TMTC1: variants seen among roughly 807,000 people sequenced by gnomAD.
TMTC1 encodes the protein transmembrane O-mannosyltransferase targeting cadherins 1.
TMTC1 carries 73 observed loss-of-function variants against 104.8 expected under a neutral mutation model. That is an observed-to-expected ratio of 0.70 (90% CI 0.58 to 0.85). TMTC1 has a LOEUF of 0.85. Ranked by LOEUF, TMTC1 falls within the 40% of genes least tolerant of loss-of-function variation. The probability of loss-of-function intolerance (pLI) is 0.00; values close to 1 mark genes in which losing one functional copy is unlikely to be tolerated. For missense variants in TMTC1, 1,035 were observed against 1,096.1 expected (o/e 0.94, Z 0.79); for synonymous variants, 434 against 428.7 (o/e 1.01, Z -0.15).
chr12:29,638,677 G>A (rs1167375119), intron 5 of TMTC1, among the ~76,000 whole-genome samples: 2 of 152,188 alleles, frequency 1.3e-5, no homozygotes, highest in African/African-American at 2.4e-5. Context: ...CCTAGATGCT[G>A]CCAGGGGGTT....
intron 5 of TMTC1, among the ~76,000 whole-genome samples, chr12:29,659,503 G>A (rs1176307287): frequency 1.3e-5 from 2 of 151,990 alleles, no homozygotes; most frequent in African/African-American, 4.8e-5. Flanking sequence ...CATCATCTTC[G>A]GCCATGAATG....
At chr12:29,516,258 G>A (rs1943982620) in intron 15 of TMTC1, 91 bp downstream of exon 15, 9 of 1,467,710 alleles carry the variant, frequency 6.1e-6, no homozygotes, top group Non-Finnish European at 7.3e-6. Flanking sequence ...AGATTTCCCA[G>A]GCTTATAAAC....
intron 5 of TMTC1, among the ~76,000 whole-genome samples, chr12:29,646,816 T>C (rs1490434943): frequency 6.6e-6 from 1 of 152,158 alleles, no homozygotes; most frequent in African/African-American, 2.4e-5. Context: ...TGCCCAGGGT[T>C]CTCAAAACAG....
At chr12:29,566,288 C>G (rs1034512030) in intron 9 of TMTC1, among the ~76,000 whole-genome samples, 1 of 152,046 alleles carries the variant, frequency 6.6e-6, no homozygotes, top group Non-Finnish European at 1.5e-5. Context: ...GCCTGCAGCC[C>G]AGTGTGTCTG....
intron 9 of TMTC1, among the ~76,000 whole-genome samples, chr12:29,567,047 C>T (rs1372572112): frequency 1.3e-5 from 2 of 152,284 alleles, no homozygotes; most frequent in African/African-American, 2.4e-5. Flanking sequence ...TGGTTGAAAG[C>T]GGGGTTTAAA....
chr12:29,523,833 T>G (rs1944258362), intron 11 of TMTC1, among the ~76,000 whole-genome samples: 1 of 152,096 alleles, frequency 6.6e-6, no homozygotes, highest in Admixed American at 6.6e-5. Context: ...TTTAAAAAAT[T>G]TTAATTTGAT....
chr12:29,606,871 T>C (rs1329138551), intron 6 of TMTC1, among the ~76,000 whole-genome samples: 1 of 152,122 alleles, frequency 6.6e-6, no homozygotes, highest in Non-Finnish European at 1.5e-5. Context: ...ACTTTCTTTT[T>C]TTTTTGAGAC....
At chr12:29,782,460 TTG>T (rs1491418304) in intron 1 of TMTC1, among the ~76,000 whole-genome samples, 1 of 84,038 alleles carries the variant, frequency 1.2e-5, no homozygotes, top group Non-Finnish European at 2.5e-5. Context: ...ATTACACCCG[TTG>T]CAAAAAGGCT....
intron 2 of TMTC1, among the ~76,000 whole-genome samples, chr12:29,762,719 T>C (rs1311591283): frequency 6.6e-6 from 1 of 152,230 alleles, no homozygotes; most frequent in Non-Finnish European, 1.5e-5. Context: ...TGTTCATTGA[T>C]TCATTAATCT....
chr12:29,689,514 C>T (rs1380911853), intron 5 of TMTC1, among the ~76,000 whole-genome samples: 2 of 152,122 alleles, frequency 1.3e-5, no homozygotes, highest in Admixed American at 6.5e-5. Context: ...GGGGTTTCAC[C>T]ATGTTGGCCA....
At chr12:29,695,245 A>G (rs1052809561) in intron 5 of TMTC1, among the ~76,000 whole-genome samples, 2 of 152,098 alleles carry the variant, frequency 1.3e-5, no homozygotes, top group Non-Finnish European at 2.9e-5. Flanking sequence ...TCATCTCAAG[A>G]TCCTTAATTA....
chr12:29,767,436 G>A (rs1362688998), intron 2 of TMTC1, among the ~76,000 whole-genome samples: 1 of 152,086 alleles, frequency 6.6e-6, no homozygotes, highest in African/African-American at 2.4e-5. Flanking sequence ...AATATAGCAG[G>A]GTGAGAAAAG....
chr12:29,695,154 T>C (rs1034666132), intron 5 of TMTC1, among the ~76,000 whole-genome samples: 3 of 152,094 alleles, frequency 2.0e-5, no homozygotes, highest in Admixed American at 1.3e-4. Flanking sequence ...CACATTGCCT[T>C]CTCCTCTGTC....
At chr12:29,784,661 G>A (rs974606426), upstream of TMTC1, 1 of 152,236 alleles carries the variant, frequency 6.6e-6, no homozygotes, top group Non-Finnish European at 1.5e-5. Context: ...TCGAGTTTTG[G>A]TTTGGGCCTG....
At chr12:29,640,746 G>T (rs1938803119) in intron 5 of TMTC1, 1 of 152,300 alleles carries the variant, frequency 6.6e-6, no homozygotes, top group Non-Finnish European at 1.5e-5. Context: ...CTTTGTAACA[G>T]TTTGAACGGG....
chr12:29,710,964 TAATAATATATAAATATATATATA>T lies in TMTC1; in HGVS notation c.938+40679_938+40701del, dbSNP rs1467834511. Among the ~76,000 whole-genome samples the T allele has an allele frequency of 1.4e-4, 6 of 44,408 alleles. No homozygotes were observed. The East Asian group carries it at 4.4e-3, about 33-fold the overall frequency. The allele number at this position is 44,408 out of a possible 152,430, so 29.1% of individuals were successfully genotyped here. A position where few individuals can be genotyped will look rare whatever the true frequency, so the allele number is the denominator to read the frequency against. On this transcript the variant is annotated intron_variant, in intron 5 of 17. Transcript: ENST00000539277. ...TATATAAATATATATATAAATATAT[TAATAATATATAAATATATATATA>T]TTTTTTCCCCCTCAGAGCAGGGTCT... is the stretch of plus-strand genomic sequence containing the variant.
At chr12:29,649,286 T>C (rs1447305144) in intron 5 of TMTC1, among the ~76,000 whole-genome samples, 2 of 152,226 alleles carry the variant, frequency 1.3e-5, no homozygotes, top group Non-Finnish European at 2.9e-5. Flanking sequence ...GATTTAGATC[T>C]ATGAGGGCAA....
At chr12:29,629,086 G>A (rs988579473) in intron 6 of TMTC1, among the ~76,000 whole-genome samples, 9 of 151,970 alleles carry the variant, frequency 5.9e-5, no homozygotes, top group African/African-American at 1.9e-4. Context: ...GTGGGAGGCC[G>A]AGGCAGGTGG....
At chr12:29,767,779 C>A (rs1379211373) in intron 2 of TMTC1, 119 bp downstream of exon 2, 5 of 921,468 alleles carry the variant, frequency 5.4e-6, no homozygotes, top group Non-Finnish European at 7.9e-6. Flanking sequence ...TCTATATACA[C>A]ACACATATCT....
Sources: allele counts gnomAD v4.1 joint callset (sites outside exome capture counted in the v4.1 genomes callset), GRCh38; gene constraint gnomAD v4.1.1; transcripts MANE v1.5; gene names NCBI Gene and HGNC (gene_info 2026-07-23, HGNC 2026-07-21).